The following ARHGEF10 variants were observed in gnomAD, a reference collection of about 807,000 sequenced individuals.
ARHGEF10 encodes Rho guanine nucleotide exchange factor 10.
In ARHGEF10, 140 loss-of-function variants were observed where a neutral mutation model predicts 147.4. The observed-to-expected ratio is 0.95, with a 90% confidence interval of 0.83 to 1.09. ARHGEF10 has a LOEUF of 1.09. Among genes scored for constraint, ARHGEF10 ranks in the 50% least tolerant of loss-of-function variants. The probability of loss-of-function intolerance (pLI) is 0.00; values close to 1 mark genes in which losing one functional copy is unlikely to be tolerated. For missense variants in ARHGEF10, 2,222 were observed against 1,752.7 expected (o/e 1.27, Z -4.78); for synonymous variants, 902 against 695.8 (o/e 1.30, Z -4.67).
chr8:1,890,629 G>C (rs1466710300), intron 11 of ARHGEF10, among the ~76,000 whole-genome samples: 1 of 150,866 alleles, frequency 6.6e-6, no homozygotes, highest in Admixed American at 6.6e-5. Context: ...AAGAGACACT[G>C]AGTGCAGTGA....
chr8:1,930,061 G>A (rs1225508385), intron 25 of ARHGEF10, among the ~76,000 whole-genome samples: 5 of 152,130 alleles, frequency 3.3e-5, no homozygotes, highest in Admixed American at 6.5e-5. Flanking sequence ...GCCGCTGCTT[G>A]TGGGAGCTCT....
intron 8 of ARHGEF10, among the ~76,000 whole-genome samples, chr8:1,878,939 C>T (rs1284622911): frequency 6.6e-6 from 1 of 152,172 alleles, no homozygotes; most frequent in African/African-American, 2.4e-5. Flanking sequence ...GTTGCCAGGA[C>T]AGTGGCCTGG....
rs528919126 is a variant in ARHGEF10, at chr8:1,913,162, C to T, written c.2143+3692C>T. Reference sequence around the variant, plus strand: ...GGGTGGGTGGGGAGGTGGCGCATAGCCCCACCTTTGGGAGCCTTTAGAACG... The same window carrying T: ...GGGTGGGTGGGGAGGTGGCGCATAGTCCCACCTTTGGGAGCCTTTAGAACG... On this transcript the variant is annotated intron_variant, in intron 18 of 28. Transcript: ENST00000349830. 2.6e-5 allele frequency among the ~76,000 whole-genome samples: 4 copies of T among 152,208 alleles called. No individual in the cohort carries two copies. The South Asian group carries it at 8.3e-4, about 32-fold the overall frequency.
At chr8:1,824,814 CT>C (rs1271091266) in intron 1 of ARHGEF10, among the ~76,000 whole-genome samples, 16 of 35,202 alleles carry the variant, frequency 4.5e-4, no homozygotes, top group African/African-American at 7.0e-4. Context: ...CCTGTTCCCC[CT>C]GCACCCCACC....
intron 26 of ARHGEF10, among the ~76,000 whole-genome samples, chr8:1,943,416 T>C (rs1339613563): frequency 6.6e-6 from 1 of 152,006 alleles, no homozygotes; most frequent in Non-Finnish European, 1.5e-5. Flanking sequence ...AGTGTGGGCC[T>C]GCACACCTTC....
intron 2 of ARHGEF10, 45 bp from the exon 3 acceptor site, chr8:1,857,910 CTATCT>C: frequency 7.4e-7 from 1 of 1,357,024 alleles, no homozygotes; most frequent in Non-Finnish European, 1.1e-6. Context: ...ATCTATCTAT[CTATCT>C]ATCTATCTAT....
chr8:1,929,812 C>T (rs537031925), intron 25 of ARHGEF10, among the ~76,000 whole-genome samples: 1 of 152,202 alleles, frequency 6.6e-6, no homozygotes, highest in Non-Finnish European at 1.5e-5. Flanking sequence ...TGGGCCAGCC[C>T]TCTTTGCCCC....
At chr8:1,869,593 G>A in intron 7 of ARHGEF10, 1 of 415,324 alleles carries the variant, frequency 2.4e-6, no homozygotes, top group Non-Finnish European at 4.5e-6. Flanking sequence ...AGAGAATCAG[G>A]CAAAGGTAAT....
intron 7 of ARHGEF10, among the ~76,000 whole-genome samples, chr8:1,871,692 C>A (rs539829950): frequency 6.6e-6 from 1 of 152,244 alleles, no homozygotes; most frequent in East Asian, 1.9e-4. Context: ...ATGGTAGGCA[C>A]CTGTAATTCC....
intron 1 of ARHGEF10, among the ~76,000 whole-genome samples, chr8:1,833,021 CAGAGACAGGCAGAG>C (rs1803310111): frequency 4.9e-5 from 1 of 20,416 alleles, no homozygotes. Context: ...GAGACAGAGG[CAGAGACAGGCAGAG>C]AGAGACAGAG....
rs1040673327 is a variant in ARHGEF10 at position 1,929,433 on chromosome 8, C to G, written c.3069C>G (p.Ala1023=). ...GLVNGAVASY[A]RAPDGSWDSE... ...TCAACGGGGCAGTCGCCAGCTACGC[C>G]AGAGCCCCAGGTGAGGCGGGTCTCA... Residue 1023 remains alanine (A), a synonymous_variant, in exon 25 of 29, where the codon GCC becomes GCG. Coordinates refer to ENST00000349830, the MANE Select transcript of ARHGEF10 (RefSeq NM_014629.4). 5 of 1,608,368 alleles carry G rather than the reference C, an allele frequency of 3.1e-6. No individual in the cohort carries two copies. In the South Asian group the frequency reaches 5.5e-5, roughly 18 times the overall value.
At chr8:1,938,705 G>T (rs1813824260) in intron 26 of ARHGEF10, among the ~76,000 whole-genome samples, 1 of 152,188 alleles carries the variant, frequency 6.6e-6, no homozygotes, top group Non-Finnish European at 1.5e-5. Flanking sequence ...GGAGGCTGAG[G>T]CAGGAGGACT....
intron 15 of ARHGEF10, among the ~76,000 whole-genome samples, chr8:1,901,826 A>G (rs542880315): frequency 6.6e-6 from 1 of 152,310 alleles, no homozygotes; most frequent in Admixed American, 6.5e-5. Flanking sequence ...AAATGTATAG[A>G]ATAGTTTATA....
intron 1 of ARHGEF10, among the ~76,000 whole-genome samples, chr8:1,835,121 C>T (rs1435136376): frequency 6.6e-6 from 1 of 152,234 alleles, no homozygotes; most frequent in East Asian, 1.9e-4. Context: ...TTCTGTGGCG[C>T]AGACACAGGA....
chr8:1,868,394 G>A (rs1312669464), intron 6 of ARHGEF10, among the ~76,000 whole-genome samples: 5 of 152,156 alleles, frequency 3.3e-5, no homozygotes, highest in Admixed American at 6.5e-5. Context: ...GGAGGGCACC[G>A]CTAGTCAATG....
chr8:1,841,974 G>GCGGCGGGAACTGGGT lies in ARHGEF10; in HGVS notation c.-47-1378_-47-1377insGGCGGGAACTGGGTC, dbSNP rs1563161914. On this transcript the variant is annotated intron_variant, in intron 1 of 28. Transcript: ENST00000349830. Reference sequence around the variant, plus strand: ...AACTGGGGCCGCGACCGGAACTGGGGCCGCGGCGGGAACTGGGGCCGCGGC... The same window carrying GCGGCGGGAACTGGGT: ...AACTGGGGCCGCGACCGGAACTGGGGCGGCGGGAACTGGGTCCGCGGCGGGAACTGGGGCCGCGGC... Among the ~76,000 whole-genome samples, 23 of 43,594 alleles carry GCGGCGGGAACTGGGT rather than the reference G, an allele frequency of 5.3e-4. 3 individuals carry two copies. Among genetic ancestry groups the GCGGCGGGAACTGGGT allele is most frequent in the Admixed American group, 4.1e-3 (17 of 4,108 alleles). The allele number at this position is 43,594 out of a possible 152,430, so 28.6% of individuals were successfully genotyped here. A position where few individuals can be genotyped will look rare whatever the true frequency, so the allele number is the denominator to read the frequency against.
At chr8:1,882,243 G>A (rs1397695368) in intron 9 of ARHGEF10, among the ~76,000 whole-genome samples, 2 of 152,224 alleles carry the variant, frequency 1.3e-5, no homozygotes, top group Admixed American at 6.5e-5. Context: ...GCAGTGGGAA[G>A]CCCCGGGGAG....
chr8:1,860,129 G>T lies in ARHGEF10; in HGVS notation c.426G>T (p.Leu142=), dbSNP rs144697825. 15 of 1,613,798 alleles carry T rather than the reference G, an allele frequency of 9.3e-6. No homozygotes were observed. In the Admixed American group the frequency reaches 1.2e-4, roughly 13 times the overall value. ...CGGTGCCCTCCAACCTGCCCCTCCT[G>T]CTGCCCGCCTACTCCAGCCCGGTCA... is the stretch of plus-strand genomic sequence containing the variant. ...GYAVPSNLPL[L]LPAYSSPVII... The change falls in exon 4 of 29, where the codon CTG becomes CTT. Residue 142 remains leucine, a synonymous_variant. Transcript: ENST00000349830.
intron 11 of ARHGEF10, among the ~76,000 whole-genome samples, chr8:1,891,869 T>C (rs1381471305): frequency 6.6e-6 from 1 of 151,830 alleles, no homozygotes; most frequent in Non-Finnish European, 1.5e-5. Flanking sequence ...TTTTGTATTT[T>C]AATATTATAC....
Sources: allele counts gnomAD v4.1 joint callset (sites outside exome capture counted in the v4.1 genomes callset), GRCh38; gene constraint gnomAD v4.1.1; transcripts MANE v1.5; gene names NCBI Gene and HGNC (gene_info 2026-07-23, HGNC 2026-07-21).